Variants in CTNND2 observed in about 807,000 individuals in gnomAD.
CTNND2 encodes catenin delta-2.
A neutral mutation model predicts 144.4 loss-of-function variants in CTNND2; 22 were observed. The observed-to-expected ratio is 0.15, with a 90% CI of 0.11 to 0.22. The LOEUF (loss-of-function observed/expected upper bound fraction) is 0.22. CTNND2 is among the 10% of genes least tolerant of loss of function. CTNND2 has a pLI of 1.00. For synonymous variants in CTNND2, 751 were observed against 695.6 expected (o/e 1.08, Z -1.25); for missense variants, 1,353 against 1,618.8 (o/e 0.84, Z 2.82).
chr5:11,880,612 C>T (rs1465458862), intron 1 of CTNND2, among the ~76,000 whole-genome samples: 1 of 49,794 alleles, frequency 2.0e-5, no homozygotes, highest in Non-Finnish European at 5.0e-5. Context: ...ACTACTACTA[C>T]CACTACTACT....
chr5:11,661,200 G>T (rs1323593656), intron 2 of CTNND2, among the ~76,000 whole-genome samples: 1 of 152,010 alleles, frequency 6.6e-6, no homozygotes, highest in Admixed American at 6.6e-5. Flanking sequence ...TTAATTTTGA[G>T]ATAATCTAAT....
intron 1 of CTNND2, among the ~76,000 whole-genome samples, chr5:11,786,953 T>C (rs1035541424): frequency 6.6e-6 from 1 of 152,186 alleles, no homozygotes; most frequent in African/African-American, 2.4e-5. Context: ...TTCCTAAAGC[T>C]TGGCCTCCGC....
intron 1 of CTNND2, among the ~76,000 whole-genome samples, chr5:11,830,188 G>A (rs1239856402): frequency 6.6e-6 from 1 of 152,176 alleles, no homozygotes; most frequent in Non-Finnish European, 1.5e-5. Context: ...TGCCTCAGAT[G>A]AGACTTTGAA....
Position 11,397,077 on chromosome 5 carries a change from G to A in CTNND2, c.566C>T (p.Pro189Leu), listed in dbSNP as rs149573037. ...AGCTCGGGCTTGTGTGCCTCGGGCC[G>A]GGAGCTGTGAAGGGGTGGTTTCCCC... Reference protein sequence around the residue: ...ALGETTPSQLPARGTQARATG... With the variant: ...ALGETTPSQLLARGTQARATG... Residue 189 changes from proline to leucine, a missense_variant, in exon 6 of 22, where the codon CCG becomes CTG. Pro to Leu is a moderately conservative substitution (Grantham distance 98). This residue lies in a region of CTNND2 where 708 missense variants were observed against 706.4 expected (regional missense o/e 1.00). Transcript: ENST00000304623. 1.3e-4 allele frequency: 208 copies of A among 1,613,976 alleles called. No homozygotes were observed. The highest frequency in any genetic ancestry group is 7.1e-4 in the East Asian group (32 of 44,858).
chr5:11,807,750 A>G (rs1792085727), intron 1 of CTNND2, among the ~76,000 whole-genome samples: 1 of 152,208 alleles, frequency 6.6e-6, no homozygotes, highest in Admixed American at 6.5e-5. Context: ...ACAGAGGCAT[A>G]ATGGTTCTGT....
intron 2 of CTNND2, among the ~76,000 whole-genome samples, chr5:11,590,131 C>T (rs1318546997): frequency 6.6e-5 from 10 of 151,792 alleles, no homozygotes; most frequent in South Asian, 2.1e-4. Flanking sequence ...CTGCAAGCTC[C>T]GCCTCCTGGG....
In CTNND2 at chr5:11,903,776, G is replaced by T. The variant is rs1457722549; in HGVS notation, c.37+41C>A. 3 of 1,469,402 alleles carry T rather than the reference G, an allele frequency of 2.0e-6. No homozygotes were observed. The highest frequency in any genetic ancestry group is 3.0e-5 in the East Asian group (1 of 33,096). 91.0% of individuals were successfully genotyped at this position (1,469,402 alleles called of 1,614,324 possible). A position where few individuals can be genotyped will look rare whatever the true frequency, so the allele number is the denominator to read the frequency against. The stretch of plus-strand genomic sequence containing the variant: ...AAGAGGAGGAGGACGGCGCCGGGAG[G>T]AGGCTGCGCCCGGCCCCGGCCGCCC... On this transcript the variant is annotated intron_variant, in intron 1 of 21. Coordinates refer to ENST00000304623, the MANE Select transcript of CTNND2 (RefSeq NM_001332.4). The surrounding 1 kb of genome is among the most constrained non-coding windows in gnomAD (Gnocchi z 5.4).
intron 8 of CTNND2, among the ~76,000 whole-genome samples, chr5:11,353,660 G>A (rs1182153520): frequency 6.6e-6 from 1 of 152,036 alleles, no homozygotes; most frequent in Non-Finnish European, 1.5e-5. Flanking sequence ...AAAATTAGTT[G>A]GGTGTGGTGG....
intron 8 of CTNND2, among the ~76,000 whole-genome samples, chr5:11,364,125 A>G: frequency 6.6e-6 from 1 of 152,228 alleles, no homozygotes; most frequent in Non-Finnish European, 1.5e-5. Flanking sequence ...TCAATTGAAA[A>G]TATATATTTA....
intron 1 of CTNND2, among the ~76,000 whole-genome samples, chr5:11,881,285 CTTCT>C (rs1736092630): frequency 6.6e-6 from 1 of 151,906 alleles, no homozygotes; most frequent in African/African-American, 2.4e-5. Flanking sequence ...ACATTTATTA[CTTCT>C]TTGTGTTGTG....
chr5:10,992,767 C>A, intron 18 of CTNND2, 90 bp from the exon 19 acceptor site: 1 of 1,510,298 alleles, frequency 6.6e-7, no homozygotes, highest in South Asian at 1.2e-5. Context: ...TCTGGATTTG[C>A]ATAATATTTC....
chr5:11,880,723 C>T (rs1484276460), intron 1 of CTNND2, among the ~76,000 whole-genome samples: 1 of 4,376 alleles, frequency 2.3e-4, no homozygotes, highest in African/African-American at 4.0e-4. Flanking sequence ...CTACTACTAC[C>T]ACCACTACTA....
At chr5:11,573,999 T>A (rs1309979664) in intron 2 of CTNND2, among the ~76,000 whole-genome samples, 1 of 152,196 alleles carries the variant, frequency 6.6e-6, no homozygotes, top group African/African-American at 2.4e-5. Context: ...AATTCCATTA[T>A]GCTTAAAAAA....
intron 18 of CTNND2, among the ~76,000 whole-genome samples, chr5:10,996,632 C>A (rs1471968057): frequency 6.6e-6 from 1 of 152,116 alleles, no homozygotes; most frequent in Non-Finnish European, 1.5e-5. Flanking sequence ...CAGAGTCTCG[C>A]TCTGTCACCA....
At chr5:11,241,200 T>C (rs994326529) in intron 9 of CTNND2, among the ~76,000 whole-genome samples, 19 of 152,174 alleles carry the variant, frequency 1.2e-4, no homozygotes, top group African/African-American at 4.3e-4. Context: ...TTCTCCATGC[T>C]GCTAACCTGA....
intron 2 of CTNND2, among the ~76,000 whole-genome samples, chr5:11,672,209 T>C (rs990223388): frequency 6.6e-6 from 1 of 152,098 alleles, no homozygotes; most frequent in African/African-American, 2.4e-5. Context: ...CTGTATGAGG[T>C]ATCTGTTGGC....
chr5:11,290,291 C>T (rs1282354708), intron 9 of CTNND2, among the ~76,000 whole-genome samples: 2 of 152,164 alleles, frequency 1.3e-5, no homozygotes, highest in African/African-American at 2.4e-5. Context: ...GAGAACAAAA[C>T]AGGTTTTTAA....
At chr5:11,009,951 C>T (rs1380083960) in intron 18 of CTNND2, among the ~76,000 whole-genome samples, 5 of 152,194 alleles carry the variant, frequency 3.3e-5, no homozygotes, top group Non-Finnish European at 7.3e-5. Context: ...TTTGTCAATA[C>T]CAAACATCAA....
At chr5:11,514,734 G>A (rs542356503) in intron 3 of CTNND2, among the ~76,000 whole-genome samples, 7 of 152,248 alleles carry the variant, frequency 4.6e-5, no homozygotes, top group East Asian at 1.9e-4. Context: ...CATTTGCTTC[G>A]ACTTGGAACT....
Sources: gnomAD v4.1 joint callset for allele counts (sites outside exome capture counted in the v4.1 genomes callset) on GRCh38, gnomAD v4.1.1 for gene constraint, gnomAD v4.1.1 regional missense constraint, Gnocchi (gnomAD v3.1) non-coding constraint, MANE v1.5 for transcripts, NCBI Gene and HGNC (gene_info 2026-07-23, HGNC 2026-07-21) for gene names.